The following PHIP variants were observed in gnomAD, a reference collection of about 807,000 sequenced individuals.
The protein encoded by PHIP is PHIP subunit of CUL4-Ring ligase complex.
PHIP carries 54 observed loss-of-function variants against 236.8 expected under a neutral mutation model. That is an observed-to-expected ratio of 0.23 (90% confidence interval 0.18 to 0.29). PHIP has a LOEUF of 0.29. PHIP is among the 10% of genes least tolerant of loss of function. The pLI, the probability that PHIP is intolerant of heterozygous loss-of-function variation, is 1.00. For missense variants in PHIP, 1,370 were observed against 2,190.8 expected (o/e 0.63, Z 7.48); for synonymous variants, 756 against 718.9 (o/e 1.05, Z -0.83).
intron 19 of PHIP, among the ~76,000 whole-genome samples, chr6:78,993,354 C>T (rs1769395622): frequency 1.3e-5 from 2 of 152,202 alleles, no homozygotes; most frequent in African/African-American, 2.4e-5. Flanking sequence ...CTACATTAAA[C>T]AACAGACTTT....
chr6:79,007,784 T>A (rs1770366891), intron 15 of PHIP, among the ~76,000 whole-genome samples: 1 of 151,676 alleles, frequency 6.6e-6, no homozygotes, highest in South Asian at 2.1e-4. Context: ...TGAAATGGAC[T>A]CATATACCAA....
At chr6:78,985,579 G>A (rs887269314) in intron 21 of PHIP, 151 bp from the exon 22 acceptor site, 1 of 649,782 alleles carries the variant, frequency 1.5e-6, no homozygotes, top group Non-Finnish European at 2.8e-6. Context: ...TGTGGCTCAC[G>A]CCTGTAATCC....
intron 25 of PHIP, 31 bp downstream of exon 25, chr6:78,970,749 TG>T: frequency 7.5e-7 from 1 of 1,329,142 alleles, no homozygotes; most frequent in Non-Finnish European, 1.1e-6. Context: ...ATTGTATTTT[TG>T]GGGCTATTAA....
At chr6:79,058,113 G>A (rs67763383) in intron 6 of PHIP, among the ~76,000 whole-genome samples, 16,066 of 151,980 alleles carry the variant, frequency 0.11, 879 homozygotes, top group Middle Eastern at 0.19. Context: ...AATCACAATG[G>A]AAGAGAGAGA....
chr6:79,002,421 G>A (rs955264582), intron 16 of PHIP, among the ~76,000 whole-genome samples: 2 of 151,956 alleles, frequency 1.3e-5, no homozygotes, highest in African/African-American at 4.8e-5. Context: ...GTTACCTGTG[G>A]TCAACCTGAC....
chr6:78,982,253 G>C (rs1768588725), intron 23 of PHIP, among the ~76,000 whole-genome samples: 1 of 151,944 alleles, frequency 6.6e-6, no homozygotes, highest in African/African-American at 2.4e-5. Flanking sequence ...AACTCCATAA[G>C]AGCTGACAGA....
intron 4 of PHIP, among the ~76,000 whole-genome samples, chr6:79,067,219 C>T (rs77835974): frequency 0.013 from 1,968 of 152,222 alleles, 18 homozygotes; most frequent in Non-Finnish European, 0.021. Flanking sequence ...AACATTTTCT[C>T]TCCTCCAATA....
intron 4 of PHIP, among the ~76,000 whole-genome samples, chr6:79,065,521 C>T (rs1773579326): frequency 6.6e-6 from 1 of 152,132 alleles, no homozygotes; most frequent in South Asian, 2.1e-4. Flanking sequence ...TTTCCCCACA[C>T]TTCCTTGCCC....
rs766461478 is a variant in PHIP, at chr6:78,940,780, T to C, written c.5379A>G (p.Glu1793=). Residue 1793 remains glutamate, a synonymous_variant, in exon 40 of 40, where the codon GAA becomes GAG. Transcript: ENST00000275034. The part of the protein sequence containing the change: ...SEEEQRQLLF[E]DTSLTFGTSS... ...AAGTTCCAAAAGTTAAAGAGGTGTC[T>C]TCGAACAACAGCTGCCTTTGCTCCT... 2 of 1,613,862 alleles carry C rather than the reference T, an allele frequency of 1.2e-6. No individual in the cohort carries two copies. Among genetic ancestry groups the C allele is most frequent in the East Asian group, 4.5e-5 (2 of 44,854 alleles).
chr6:78,982,861 A>G (rs756661690), intron 23 of PHIP, 25 bp downstream of exon 23: 5 of 1,426,388 alleles, frequency 3.5e-6, no homozygotes, highest in Non-Finnish European at 4.8e-6. Context: ...AGAAAACACC[A>G]AATTTGTAAT....
At chr6:78,972,784 G>C (rs1309955327) in intron 24 of PHIP, among the ~76,000 whole-genome samples, 1 of 152,110 alleles carries the variant, frequency 6.6e-6, no homozygotes, top group East Asian at 1.9e-4. Flanking sequence ...ATCAGCAATG[G>C]AAGATGAAAT....
intron 6 of PHIP, among the ~76,000 whole-genome samples, chr6:79,052,167 C>T (rs777602251): frequency 2.0e-5 from 3 of 152,016 alleles, no homozygotes; most frequent in Non-Finnish European, 4.4e-5. Context: ...GTTCTAAACA[C>T]GTTGGGGCTG....
intron 35 of PHIP, among the ~76,000 whole-genome samples, chr6:78,949,885 T>C (rs1356809657): frequency 6.6e-6 from 1 of 152,054 alleles, no homozygotes; most frequent in Non-Finnish European, 1.5e-5. Flanking sequence ...GACGGGGTTT[T>C]GCCATATTGC....
chr6:78,998,500 A>T, intron 17 of PHIP, 109 bp from the exon 18 acceptor site: 1 of 737,280 alleles, frequency 1.4e-6, no homozygotes, highest in Non-Finnish European at 2.2e-6. Context: ...TTGCTTGGGT[A>T]AAAGACTTAA....
At chr6:79,018,083 T>C (rs1770921456) in intron 10 of PHIP, among the ~76,000 whole-genome samples, 1 of 151,948 alleles carries the variant, frequency 6.6e-6, no homozygotes, top group Non-Finnish European at 1.5e-5. Context: ...TACAGTTATT[T>C]GTATATGCAG....
chr6:79,073,309 T>C (rs1773987301), intron 4 of PHIP, among the ~76,000 whole-genome samples: 1 of 151,868 alleles, frequency 6.6e-6, no homozygotes, highest in South Asian at 2.1e-4. Flanking sequence ...ATTCATCATA[T>C]AACCCTTCAC....
chr6:78,945,550 A>C, intron 38 of PHIP, 53 bp from the exon 39 acceptor site: 1 of 1,113,476 alleles, frequency 9.0e-7, no homozygotes, highest in Non-Finnish European at 1.3e-6. Flanking sequence ...CCTAAAGATA[A>C]GAAAAAAGGT....
chr6:78,941,665 A>G (rs1177983496), intron 39 of PHIP, among the ~76,000 whole-genome samples: 1 of 152,116 alleles, frequency 6.6e-6, no homozygotes, highest in Non-Finnish European at 1.5e-5. Context: ...TTGGTCAAAA[A>G]CTTTGTTCTT....
intron 39 of PHIP, among the ~76,000 whole-genome samples, chr6:78,944,537 T>G (rs763400546): frequency 6.6e-6 from 1 of 152,104 alleles, no homozygotes; most frequent in Non-Finnish European, 1.5e-5. Context: ...AGAGATGTTA[T>G]GGAGGGAGAA....
Sources: allele counts gnomAD v4.1 joint callset (sites outside exome capture counted in the v4.1 genomes callset), GRCh38; gene constraint gnomAD v4.1.1; transcripts MANE v1.5; gene names NCBI Gene and HGNC (gene_info 2026-07-23, HGNC 2026-07-21).